Variants in SYCP1 observed in about 807,000 individuals in gnomAD.
The protein encoded by SYCP1 is synaptonemal complex protein 1.
SYCP1 carries 64 observed loss-of-function variants against 153.1 expected under a neutral mutation model. The ratio of observed to expected loss-of-function variants is 0.42; its 90% CI spans 0.34 to 0.51. The LOEUF (loss-of-function observed/expected upper bound fraction) is 0.51. Among genes scored for constraint, SYCP1 ranks in the 20% least tolerant of loss-of-function variants. SYCP1 has a pLI of 0.06. For synonymous variants in SYCP1, 384 were observed against 341.8 expected, an observed-to-expected ratio of 1.12 and a Z score of -1.36; for missense variants, 997 against 1,049.0, an observed-to-expected ratio of 0.95 and a Z score of 0.68.
At chr1:114,962,775 A>G (rs1671862100) in intron 27 of SYCP1, among the ~76,000 whole-genome samples, 1 of 152,100 alleles carries the variant, frequency 6.6e-6, no homozygotes, top group Non-Finnish European at 1.5e-5. Context: ...TGTAAGATTT[A>G]TGCTTTAAGG....
At chr1:114,917,529 G>A (rs77215614) in intron 20 of SYCP1, among the ~76,000 whole-genome samples, 1,797 of 152,032 alleles carry the variant, frequency 0.012, 39 homozygotes, top group African/African-American at 0.041. Flanking sequence ...TGGGTGATAC[G>A]GTAGCTCTAT....
At chr1:114,951,562 G>A (rs1671106446) in intron 27 of SYCP1, among the ~76,000 whole-genome samples, 1 of 152,188 alleles carries the variant, frequency 6.6e-6, no homozygotes, top group African/African-American at 2.4e-5. Flanking sequence ...AGTTGTAGGT[G>A]CCAGTGTAGT....
chr1:114,856,474 C>A (rs1663947505), intron 2 of SYCP1, 99 bp from the exon 3 acceptor site: 2 of 711,108 alleles, frequency 2.8e-6, no homozygotes, highest in African/African-American at 1.8e-5. Flanking sequence ...ATTATAGTAA[C>A]CTTTTTAAGC....
At chr1:114,883,070 C>T (rs977570514) in intron 12 of SYCP1, among the ~76,000 whole-genome samples, 1 of 152,142 alleles carries the variant, frequency 6.6e-6, no homozygotes, top group Non-Finnish European at 1.5e-5. Context: ...TTTGTGGTTA[C>T]CTTACTTCTA....
Position 114,994,941 on chromosome 1 carries a change from G to A in SYCP1, c.2853G>A (p.Met951Ile). The change falls in exon 32 of 32, where the codon ATG (methionine) becomes ATA (isoleucine). Residue 951 changes from methionine (M) to isoleucine (I), a missense_variant. Coordinates refer to ENST00000369522, the MANE Select transcript of SYCP1 (RefSeq NM_003176.4). ...STLKFGAIRK[M>I]REDRWAVIAK... Reference sequence around the variant, plus strand: ...TGAAGTTTGGAGCTATAAGAAAAATGCGGGAGGACCGTTGGGCTGTAATTG... The same window carrying A: ...TGAAGTTTGGAGCTATAAGAAAAATACGGGAGGACCGTTGGGCTGTAATTG... The A allele has an allele frequency of 1.2e-6, 2 of 1,609,586 alleles. No individual in the cohort carries two copies. Among genetic ancestry groups the A allele is most frequent in the South Asian group, 1.1e-5 (1 of 90,684 alleles).
At position 114,878,165 on chromosome 1, in the gene SYCP1, A is replaced by G. The variant is rs769166909; in HGVS notation, c.873A>G (p.Glu291=). ...KMKDLTFLLE[E]SRDKVNQLEE... is the part of the protein sequence containing the mutation. The stretch of plus-strand genomic sequence containing the variant: ...AAGATTTAACATTTCTGCTAGAGGA[A>G]TCCAGAGATAAAGTTAATCAATTAG... The change falls in exon 12 of 32, where the codon GAA becomes GAG. Residue 291 remains glutamate, a synonymous_variant. Transcript: ENST00000369522. 2 of 1,583,642 alleles carry G rather than the reference A, an allele frequency of 1.3e-6. No individual in the cohort carries two copies. The highest frequency in any genetic ancestry group is 1.7e-6 in the Non-Finnish European group (2 of 1,156,744).
chr1:114,962,761 G>A (rs1671861174), intron 27 of SYCP1, among the ~76,000 whole-genome samples: 1 of 151,970 alleles, frequency 6.6e-6, no homozygotes, highest in African/African-American at 2.4e-5. Flanking sequence ...TGTTTTATAG[G>A]CTTTGTAAGA....
chr1:114,932,991 GCAGCAGAAACTT>G (rs962287261), intron 23 of SYCP1, among the ~76,000 whole-genome samples: 4 of 152,214 alleles, frequency 2.6e-5, no homozygotes, highest in African/African-American at 9.6e-5. Context: ...TGAACACAAG[GCAGCAGAAACTT>G]CGGCAGACTT....
intron 29 of SYCP1, among the ~76,000 whole-genome samples, chr1:114,983,989 C>T (rs1673334310): frequency 6.6e-6 from 1 of 152,024 alleles, no homozygotes; most frequent in Non-Finnish European, 1.5e-5. Flanking sequence ...CTACCTTGAA[C>T]TCCTGGCTCA....
At chr1:114,904,284 T>A (rs1667674673) in intron 16 of SYCP1, among the ~76,000 whole-genome samples, 1 of 151,950 alleles carries the variant, frequency 6.6e-6, no homozygotes, top group East Asian at 1.9e-4. Flanking sequence ...GCCTGGCTAC[T>A]TTTTTGTATT....
At chr1:114,962,064 G>A (rs963063318) in intron 27 of SYCP1, among the ~76,000 whole-genome samples, 1 of 146,726 alleles carries the variant, frequency 6.8e-6, no homozygotes, top group South Asian at 2.1e-4. Context: ...TAAAACCTTC[G>A]CCTCCCAGGT....
At position 114,926,522 on chromosome 1, in the gene SYCP1, G is replaced by A. The variant is rs1303823893; in HGVS notation, c.1885G>A (p.Gly629Ser). The stretch of plus-strand genomic sequence containing the variant: ...ACAGAATAAGGCCTTGAAAAAAAAA[G>A]GTACAGCAGAAAGCAAGCAACTGAA... ...QQENKALKKK[G>S]TAESKQLNVY... Residue 629 changes from glycine (G) to serine (S), a missense_variant, in exon 23 of 32, where the codon GGT (glycine) becomes AGT (serine). Around this residue, in one of 2 missense-constraint regions of SYCP1, gnomAD observed 712 missense variants for 682.9 expected, o/e 1.04. Coordinates refer to ENST00000369522, the MANE Select transcript of SYCP1 (RefSeq NM_003176.4). 3 of 1,584,960 alleles carry A rather than the reference G, an allele frequency of 1.9e-6. No individual in the cohort carries two copies. The highest frequency in any genetic ancestry group is 1.7e-5 in the Admixed American group (1 of 57,318).
intron 16 of SYCP1, among the ~76,000 whole-genome samples, chr1:114,901,376 CT>C (rs1202921707): frequency 6.6e-6 from 1 of 152,152 alleles, no homozygotes; most frequent in African/African-American, 2.4e-5. Context: ...TAAGAAAATC[CT>C]TTTAACTCCA....
rs139201856 is a variant in SYCP1 at position 114,965,833 on chromosome 1, T to G, written c.2323-11724T>G. 6.4e-3 allele frequency among the ~76,000 whole-genome samples: 972 copies of G among 152,272 alleles called. 9 individuals carry two copies. Among genetic ancestry groups the G allele is most frequent in the African/African-American group, 0.022 (914 of 41,554 alleles). On this transcript the variant is annotated intron_variant, in intron 27 of 31. Transcript: ENST00000369522. ...CTTTTTTGTTGTGTCTCTGCCAGGT[T>G]TTGGTATAAGGATGATGCTGGCCTC...
At chr1:114,991,490 G>C (rs1432129317) in intron 30 of SYCP1, among the ~76,000 whole-genome samples, 1 of 151,788 alleles carries the variant, frequency 6.6e-6, no homozygotes, top group Non-Finnish European at 1.5e-5. Context: ...GAATGCCAGG[G>C]AGGTTCAACA....
intron 27 of SYCP1, among the ~76,000 whole-genome samples, chr1:114,951,945 CCAACCTGAG>C (rs1421323771): frequency 6.6e-6 from 1 of 152,028 alleles, no homozygotes; most frequent in Non-Finnish European, 1.5e-5. Context: ...AGTTGTTAGT[CCAACCTGAG>C]TATATAGAAA....
At chr1:114,993,518 G>A (rs1396911014) in intron 30 of SYCP1, among the ~76,000 whole-genome samples, 1 of 151,384 alleles carries the variant, frequency 6.6e-6, no homozygotes, top group East Asian at 1.9e-4. Context: ...ATATTTGTAT[G>A]CCTGAGTTTT....
chr1:114,976,843 G>A (rs1027558789), intron 27 of SYCP1, among the ~76,000 whole-genome samples: 2 of 151,744 alleles, frequency 1.3e-5, no homozygotes, highest in Admixed American at 6.6e-5. Context: ...TATTCAGTGA[G>A]GATAGATACT....
In SYCP1 at chr1:114,994,968, T is replaced by A. The variant is rs1207389366; in HGVS notation, c.2880T>A (p.Ala960=). 6.2e-7 allele frequency: 1 copy of A among 1,606,158 alleles called. No individual in the cohort carries two copies. Among genetic ancestry groups the A allele is most frequent in the Non-Finnish European group, 8.5e-7 (1 of 1,176,206 alleles). Reference sequence around the variant, plus strand: ...GGGAGGACCGTTGGGCTGTAATTGCTAAAATGGATAGAAAAAAAAAACTAA... The same window carrying A: ...GGGAGGACCGTTGGGCTGTAATTGCAAAAATGGATAGAAAAAAAAAACTAA... ...KMREDRWAVI[A]KMDRKKKLKE... is the part of the protein sequence containing the mutation. Residue 960 remains alanine, a synonymous_variant, in exon 32 of 32, where the codon GCT becomes GCA. Transcript: ENST00000369522.
Sources: gnomAD v4.1 joint callset for allele counts (sites outside exome capture counted in the v4.1 genomes callset) on GRCh38, gnomAD v4.1.1 for gene constraint, gnomAD v4.1.1 regional missense constraint, MANE v1.5 for transcripts, NCBI Gene and HGNC (gene_info 2026-07-23, HGNC 2026-07-21) for gene names.